Variants in KCNK2 observed in about 807,000 individuals in gnomAD.
The protein encoded by KCNK2 is potassium two pore domain channel subfamily K member 2, also known as potassium channel subfamily K member 2.
A neutral mutation model predicts 40.5 loss-of-function variants in KCNK2; 21 were observed. The ratio of observed to expected loss-of-function variants is 0.52; its 90% CI spans 0.37 to 0.75. KCNK2 has a LOEUF of 0.75. Among genes scored for constraint, KCNK2 ranks in the 30% least tolerant of loss-of-function variants. KCNK2 has a pLI of 0.00. For missense variants in KCNK2, 399 were observed against 531.6 expected, an observed-to-expected ratio of 0.75 and a Z score of 2.45; for synonymous variants, 191 against 202.2, an observed-to-expected ratio of 0.94 and a Z score of 0.47.
chr1:215,025,303 G>A (rs538557045), intron 1 of KCNK2, among the ~76,000 whole-genome samples: 19 of 152,010 alleles, frequency 1.2e-4, no homozygotes, highest in South Asian at 2.1e-4. Flanking sequence ...TGCTCCTCCA[G>A]GTCAGAAAAT....
intron 3 of KCNK2, among the ~76,000 whole-genome samples, chr1:215,140,474 C>A (rs1406557539): frequency 6.6e-6 from 1 of 152,174 alleles, no homozygotes; most frequent in African/African-American, 2.4e-5. Context: ...GATGTACACA[C>A]CTAGGCTATC....
At chr1:215,124,607 T>G (rs776769622) in intron 2 of KCNK2, 26 bp from the exon 3 acceptor site, 2 of 1,341,440 alleles carry the variant, frequency 1.5e-6, no homozygotes, top group Non-Finnish European at 2.1e-6. Flanking sequence ...TCATGTGTAC[T>G]GATAAATTTC....
At chr1:215,127,111 G>A (rs918963228) in intron 3 of KCNK2, among the ~76,000 whole-genome samples, 2 of 152,144 alleles carry the variant, frequency 1.3e-5, no homozygotes, top group African/African-American at 4.8e-5. Flanking sequence ...AGCAATAGCT[G>A]CATTGCATAA....
chr1:215,008,260 T>C (rs1431657116), intron 1 of KCNK2, among the ~76,000 whole-genome samples: 1 of 152,112 alleles, frequency 6.6e-6, no homozygotes, highest in African/African-American at 2.4e-5. Context: ...GATCAGGATG[T>C]AGTTATTGAT....
At chr1:215,218,159 A>G (rs1054865779) in intron 6 of KCNK2, among the ~76,000 whole-genome samples, 6 of 152,200 alleles carry the variant, frequency 3.9e-5, no homozygotes, top group Admixed American at 3.9e-4. Context: ...GTATAGGATA[A>G]TAGGGGAAAT....
intron 1 of KCNK2, among the ~76,000 whole-genome samples, chr1:215,049,551 G>T (rs1208051406): frequency 6.6e-6 from 1 of 152,050 alleles, no homozygotes; most frequent in African/African-American, 2.4e-5. Context: ...TTTGTGTCAA[G>T]TCAAATAACC....
chr1:215,125,739 A>AATATATATATATAT (rs66622204), intron 3 of KCNK2, among the ~76,000 whole-genome samples: 12 of 124,316 alleles, frequency 9.7e-5, no homozygotes, highest in East Asian at 2.5e-4. Context: ...AAGTATAATA[A>AATATATATATATAT]ATATATATAT....
At chr1:215,043,218 C>T (rs1657626302) in intron 1 of KCNK2, among the ~76,000 whole-genome samples, 1 of 152,138 alleles carries the variant, frequency 6.6e-6, no homozygotes, top group African/African-American at 2.4e-5. Context: ...TAAAATATAG[C>T]TGCTGTGAAA....
intron 6 of KCNK2, among the ~76,000 whole-genome samples, chr1:215,220,444 G>A (rs1050227313): frequency 6.6e-6 from 1 of 152,038 alleles, no homozygotes; most frequent in Non-Finnish European, 1.5e-5. Context: ...GGTTGACCTC[G>A]TCACCCATCT....
At chr1:215,101,832 C>T (rs1468648301) in intron 2 of KCNK2, among the ~76,000 whole-genome samples, 2 of 151,866 alleles carry the variant, frequency 1.3e-5, no homozygotes, top group African/African-American at 4.8e-5. Context: ...TGTAAAAAAA[C>T]CAACTGTACT....
Position 215,236,777 on chromosome 1 carries a change from T to A in KCNK2, c.*1632T>A, listed in dbSNP as rs1316582691. The A allele has an allele frequency of 2.0e-5, 3 of 152,112 alleles. No homozygotes were observed. Among genetic ancestry groups the A allele is most frequent in the African/African-American group, 4.8e-5 (2 of 41,440 alleles). 9.4% of individuals were successfully genotyped at this position (152,112 alleles called of 1,614,324 possible). On this transcript the variant is annotated 3_prime_UTR_variant, in exon 7 of 7. Coordinates refer to ENST00000444842, the MANE Select transcript of KCNK2 (RefSeq NM_001017425.3). Reference sequence around the variant, plus strand: ...CTTTTTTGTGTGTGGGGGTGGGAGCTGTATCTGAATAAGTGGCATTCAGAT... The same window carrying A: ...CTTTTTTGTGTGTGGGGGTGGGAGCAGTATCTGAATAAGTGGCATTCAGAT...
At chr1:215,157,815 A>C (rs1662998750) in intron 3 of KCNK2, among the ~76,000 whole-genome samples, 1 of 152,172 alleles carries the variant, frequency 6.6e-6, no homozygotes, top group South Asian at 2.1e-4. Flanking sequence ...ATCCGTTAAC[A>C]ATATCACATC....
At chr1:215,231,280 A>G (rs925617008) in intron 6 of KCNK2, among the ~76,000 whole-genome samples, 8 of 152,224 alleles carry the variant, frequency 5.3e-5, no homozygotes, top group Non-Finnish European at 1.0e-4. Context: ...CTAAGTGTGC[A>G]GAAAAGAAAT....
intron 5 of KCNK2, among the ~76,000 whole-genome samples, chr1:215,179,359 T>G (rs1171846371): frequency 6.6e-6 from 1 of 152,056 alleles, no homozygotes; most frequent in Non-Finnish European, 1.5e-5. Context: ...AGTTTTGCTC[T>G]GATTTTATTC....
intron 5 of KCNK2, among the ~76,000 whole-genome samples, chr1:215,179,708 C>T (rs1664146148): frequency 6.6e-6 from 1 of 151,948 alleles, no homozygotes; most frequent in African/African-American, 2.4e-5. Flanking sequence ...ATTGTAATTC[C>T]ACTGTAGTCT....
chr1:215,172,204 A>T (rs758628089), intron 5 of KCNK2, 21 bp downstream of exon 5: 1 of 1,595,516 alleles, frequency 6.3e-7, no homozygotes, highest in East Asian at 2.2e-5. Flanking sequence ...CCTGGCATCC[A>T]TGTTACTCTT....
chr1:215,023,103 G>A (rs1656865762), intron 1 of KCNK2, among the ~76,000 whole-genome samples: 1 of 152,132 alleles, frequency 6.6e-6, no homozygotes, highest in Admixed American at 6.5e-5. Flanking sequence ...TGAAATATGA[G>A]CCTTTCGTTT....
chr1:215,180,248 T>C (rs1012735946), intron 5 of KCNK2, among the ~76,000 whole-genome samples: 2 of 152,210 alleles, frequency 1.3e-5, no homozygotes, highest in Admixed American at 6.6e-5. Context: ...CCTAAGGATG[T>C]CTTTATCTGT....
intron 6 of KCNK2, among the ~76,000 whole-genome samples, chr1:215,210,714 A>G (rs1049441157): frequency 6.6e-6 from 1 of 152,148 alleles, no homozygotes; most frequent in Non-Finnish European, 1.5e-5. Flanking sequence ...ATAAGCATGT[A>G]CTAATAATCA....
Sources: gnomAD v4.1 joint callset for allele counts (sites outside exome capture counted in the v4.1 genomes callset) on GRCh38, gnomAD v4.1.1 for gene constraint, MANE v1.5 for transcripts, NCBI Gene and HGNC (gene_info 2026-07-23, HGNC 2026-07-21) for gene names.